Variants in DNAJC11 observed in about 807,000 individuals in gnomAD.
DNAJC11 encodes the protein dnaJ homolog subfamily C member 11.
DNAJC11 carries 15 observed loss-of-function variants against 78.6 expected under a neutral mutation model. That is an observed-to-expected ratio of 0.19 (90% CI 0.13 to 0.29). The LOEUF is 0.29. Ranked by LOEUF, DNAJC11 falls within the 10% of genes least tolerant of loss-of-function variation. DNAJC11 has a pLI of 1.00. For synonymous variants in DNAJC11, 292 were observed against 272.1 expected, an observed-to-expected ratio of 1.07 and a Z score of -0.72; for missense variants, 547 against 709.6, an observed-to-expected ratio of 0.77 and a Z score of 2.60.
chr1:6,636,098 C>T lies in DNAJC11; in HGVS notation c.1654+19G>A, dbSNP rs199661712. On this transcript the variant is annotated intron_variant, in intron 15 of 15. Coordinates refer to ENST00000377577, the MANE Select transcript of DNAJC11 (RefSeq NM_018198.4). ...CCCCGCCCCCGTTAGCTGGTGACTG[C>T]GAAGGGACGGCTACTCACACTGCTT... is the stretch of plus-strand genomic sequence containing the variant. 2.8e-4 allele frequency: 455 copies of T among 1,608,866 alleles called. 1 individual carries two copies. The highest frequency in any genetic ancestry group is 3.6e-4 in the Non-Finnish European group (419 of 1,177,208).
At chr1:6,682,347 A>G (rs1430754160) in intron 1 of DNAJC11, among the ~76,000 whole-genome samples, 1 of 152,180 alleles carries the variant, frequency 6.6e-6, no homozygotes. Context: ...TTCAGATGCT[A>G]GAAAGCCAGG....
chr1:6,651,446 C>G, intron 7 of DNAJC11, 83 bp downstream of exon 7: 1 of 1,218,950 alleles, frequency 8.2e-7, no homozygotes. Context: ...TAGTGCCAAC[C>G]ACTGTGATAA....
intron 3 of DNAJC11, among the ~76,000 whole-genome samples, chr1:6,673,439 T>A (rs1642411566): frequency 6.6e-6 from 1 of 152,128 alleles, no homozygotes; most frequent in Non-Finnish European, 1.5e-5. Flanking sequence ...AGCTTCAGTT[T>A]CCCTGCTATA....
intron 4 of DNAJC11, among the ~76,000 whole-genome samples, chr1:6,656,772 C>T (rs1353668776): frequency 6.0e-5 from 9 of 149,918 alleles, no homozygotes; most frequent in South Asian, 2.1e-4. Context: ...TGGTGGTATC[C>T]GCCTGTGGTC....
rs536880056 is a variant in DNAJC11, at chr1:6,649,735, T to G, written c.704+1794A>C. Among the ~76,000 whole-genome samples the G allele has an allele frequency of 5.3e-5, 8 of 151,116 alleles. No individual in the cohort carries two copies. In the East Asian group the frequency reaches 1.2e-3, roughly 23 times the overall value. ...AACTTTTTTTTTTTTTTTGAGACAG[T>G]CTTGCTCTGCTGCTTAGGCTGGAGT... On this transcript the variant is annotated intron_variant, in intron 7 of 15. Transcript: ENST00000377577.
intron 3 of DNAJC11, among the ~76,000 whole-genome samples, chr1:6,676,983 G>A (rs941626314): frequency 6.6e-6 from 1 of 152,054 alleles, no homozygotes; most frequent in African/African-American, 2.4e-5. Context: ...AGACCAGCCT[G>A]ACCAACATGG....
intron 4 of DNAJC11, 117 bp from the exon 5 acceptor site, chr1:6,654,156 A>C: frequency 7.4e-7 from 1 of 1,358,072 alleles, no homozygotes; most frequent in South Asian, 1.3e-5. Flanking sequence ...TTCAGGGTTC[A>C]CTGGGTTTAG....
intron 1 of DNAJC11, among the ~76,000 whole-genome samples, chr1:6,689,958 C>A (rs1642719021): frequency 6.6e-6 from 1 of 152,172 alleles, no homozygotes. Context: ...AATAATTCCA[C>A]TATTTCCTCA....
At position 6,646,931 on chromosome 1, in the gene DNAJC11, A is replaced by G. The variant is rs75341557; in HGVS notation, c.705-953T>C. Among the ~76,000 whole-genome samples, 750 of 151,778 alleles carry G rather than the reference A, an allele frequency of 4.9e-3. 6 individuals carry two copies. Among genetic ancestry groups the G allele is most frequent in the African/African-American group, 0.017 (697 of 41,368 alleles). On this transcript the variant is annotated intron_variant, in intron 7 of 15. Coordinates refer to ENST00000377577, the MANE Select transcript of DNAJC11 (RefSeq NM_018198.4). Reference sequence around the variant, plus strand: ...AGCACTTTGGGAGGCTGAGGAGGCAAATTGCTTCACCCCAGGAGTTCAAGG... The same window carrying G: ...AGCACTTTGGGAGGCTGAGGAGGCAGATTGCTTCACCCCAGGAGTTCAAGG...
chr1:6,700,159 T>G (rs1471971568), intron 1 of DNAJC11, among the ~76,000 whole-genome samples: 3 of 152,182 alleles, frequency 2.0e-5, no homozygotes, highest in Non-Finnish European at 4.4e-5. Context: ...CTTTGTGATA[T>G]TCCGCCCTTA....
At chr1:6,651,714 GC>G in intron 6 of DNAJC11, 112 bp from the exon 7 acceptor site, 1 of 783,896 alleles carries the variant, frequency 1.3e-6, no homozygotes, top group Non-Finnish European at 2.1e-6. Flanking sequence ...CACTGGTCTT[GC>G]CAGGGCTCTA....
At chr1:6,651,980 C>A (rs1389437060) in intron 6 of DNAJC11, among the ~76,000 whole-genome samples, 3 of 152,052 alleles carry the variant, frequency 2.0e-5, no homozygotes, top group African/African-American at 7.2e-5. Context: ...TGCCCCCCAC[C>A]CCCGCATGCA....
At chr1:6,695,936 T>G (rs372578260) in intron 1 of DNAJC11, among the ~76,000 whole-genome samples, 7 of 152,232 alleles carry the variant, frequency 4.6e-5, no homozygotes, top group African/African-American at 1.7e-4. Flanking sequence ...GTGGCCTCCC[T>G]CTATCCCATT....
At chr1:6,695,007 G>A (rs1324220303) in intron 1 of DNAJC11, among the ~76,000 whole-genome samples, 3 of 145,332 alleles carry the variant, frequency 2.1e-5, no homozygotes, top group Non-Finnish European at 4.5e-5. Context: ...TCAGCTGGGC[G>A]TGGTGGCAGG....
At chr1:6,692,309 G>GCC (rs1004256146) in intron 1 of DNAJC11, among the ~76,000 whole-genome samples, 7 of 152,002 alleles carry the variant, frequency 4.6e-5, no homozygotes, top group African/African-American at 7.3e-5. Flanking sequence ...ATCCTCAACA[G>GCC]CCCCCTCCCT....
At chr1:6,663,952 G>A (rs981579860) in intron 4 of DNAJC11, among the ~76,000 whole-genome samples, 1 of 152,176 alleles carries the variant, frequency 6.6e-6, no homozygotes, top group African/African-American at 2.4e-5. Flanking sequence ...GAGTCTGGAC[G>A]CAGGGCCCTG....
chr1:6,697,861 G>C (rs1176454051), intron 1 of DNAJC11, among the ~76,000 whole-genome samples: 1 of 151,058 alleles, frequency 6.6e-6, no homozygotes, highest in Non-Finnish European at 1.5e-5. Context: ...CTGGAGTGCA[G>C]TGGCGCAATC....
intron 1 of DNAJC11, among the ~76,000 whole-genome samples, chr1:6,691,791 G>A (rs1374083900): frequency 6.6e-6 from 1 of 152,240 alleles, no homozygotes; most frequent in Non-Finnish European, 1.5e-5. Context: ...ACTCCAAGCT[G>A]CAAGCTCCTT....
chr1:6,686,919 T>C (rs944791069), intron 1 of DNAJC11, among the ~76,000 whole-genome samples: 3 of 152,246 alleles, frequency 2.0e-5, no homozygotes, highest in African/African-American at 7.2e-5. Flanking sequence ...ATTTCACCAA[T>C]GAAGGCTCCA....
Sources: gnomAD v4.1 joint callset for allele counts (sites outside exome capture counted in the v4.1 genomes callset) on GRCh38, gnomAD v4.1.1 for gene constraint, MANE v1.5 for transcripts, NCBI Gene and HGNC (gene_info 2026-07-23, HGNC 2026-07-21) for gene names.